The following ROBO1 variants were observed in gnomAD, a reference collection of about 807,000 sequenced individuals.
ROBO1 encodes roundabout guidance receptor 1, also known as roundabout homolog 1.
Under a neutral mutation model 195.9 loss-of-function variants are expected in ROBO1, and 149 were observed. The ratio of observed to expected loss-of-function variants is 0.76; its 90% confidence interval spans 0.67 to 0.87. ROBO1 has a LOEUF of 0.87. Ranked by LOEUF, ROBO1 falls within the 40% of genes least tolerant of loss-of-function variation. The probability of loss-of-function intolerance (pLI) is 0.00; values close to 1 mark genes in which losing one functional copy is unlikely to be tolerated. For missense variants in ROBO1, 1,933 were observed against 2,068.3 expected, an observed-to-expected ratio of 0.93 and a Z score of 1.27; for synonymous variants, 816 against 733.2, an observed-to-expected ratio of 1.11 and a Z score of -1.82.
intron 5 of ROBO1, among the ~76,000 whole-genome samples, chr3:78,736,164 T>C (rs1395942018): frequency 6.6e-6 from 1 of 152,190 alleles, no homozygotes; most frequent in East Asian, 1.9e-4. Flanking sequence ...CGTAATTGTA[T>C]GTGGAAATAA....
At chr3:79,197,880 TG>T (rs1402844353) in intron 2 of ROBO1, among the ~76,000 whole-genome samples, 94 of 140,220 alleles carry the variant, frequency 6.7e-4, no homozygotes, top group Middle Eastern at 3.6e-3. Flanking sequence ...ATTTTTTTGA[TG>T]GGTTTTTTTT....
At chr3:79,692,897 A>G (rs1947335679) in intron 1 of ROBO1, among the ~76,000 whole-genome samples, 1 of 151,708 alleles carries the variant, frequency 6.6e-6, no homozygotes, top group Non-Finnish European at 1.5e-5. Flanking sequence ...ATCCAAGCCC[A>G]AACACAGAAT....
At chr3:78,838,920 C>T (rs1459969015) in intron 4 of ROBO1, among the ~76,000 whole-genome samples, 3 of 152,188 alleles carry the variant, frequency 2.0e-5, no homozygotes, top group Non-Finnish European at 2.9e-5. Context: ...ACCTGGCACT[C>T]CTTGACTAAA....
At chr3:79,626,756 A>C (rs1022367010) in intron 1 of ROBO1, among the ~76,000 whole-genome samples, 10 of 152,170 alleles carry the variant, frequency 6.6e-5, no homozygotes, top group African/African-American at 1.2e-4. Flanking sequence ...AAATCCTATC[A>C]TCTCAGCCCC....
chr3:79,432,529 TA>T (rs1325110302), intron 2 of ROBO1, among the ~76,000 whole-genome samples: 1 of 152,090 alleles, frequency 6.6e-6, no homozygotes, highest in Non-Finnish European at 1.5e-5. Flanking sequence ...AAAAATATAT[TA>T]GGAAATAATA....
At chr3:78,883,757 CAA>C (rs2036327972) in intron 4 of ROBO1, among the ~76,000 whole-genome samples, 1 of 152,050 alleles carries the variant, frequency 6.6e-6, no homozygotes, top group African/African-American at 2.4e-5. Flanking sequence ...TGGGTTTGCT[CAA>C]GAGTCCAATA....
At chr3:79,417,877 CT>C (rs2038068403) in intron 2 of ROBO1, among the ~76,000 whole-genome samples, 1 of 152,088 alleles carries the variant, frequency 6.6e-6, no homozygotes, top group Admixed American at 6.6e-5. Context: ...ATTTCCTGAT[CT>C]TCTACTCCAG....
chr3:79,399,603 T>C (rs1172629801), intron 2 of ROBO1, among the ~76,000 whole-genome samples: 2 of 152,186 alleles, frequency 1.3e-5, no homozygotes, highest in East Asian at 3.9e-4. Flanking sequence ...GGCACAGACA[T>C]GTTTACTTAT....
chr3:79,708,492 G>A (rs1467841051), intron 1 of ROBO1, among the ~76,000 whole-genome samples: 1 of 152,120 alleles, frequency 6.6e-6, no homozygotes, highest in Non-Finnish European at 1.5e-5. Context: ...TTCAAGCCCA[G>A]CTGAAAATCC....
intron 4 of ROBO1, among the ~76,000 whole-genome samples, chr3:78,800,266 A>G (rs1418482839): frequency 6.6e-6 from 1 of 152,218 alleles, no homozygotes; most frequent in Non-Finnish European, 1.5e-5. Context: ...TAACAACAAG[A>G]TAACTAAGGT....
chr3:78,603,776 A>T (rs986964225), intron 29 of ROBO1, among the ~76,000 whole-genome samples: 1 of 152,178 alleles, frequency 6.6e-6, no homozygotes, highest in Non-Finnish European at 1.5e-5. Context: ...TAGGGTTATG[A>T]TCCAAATAAA....
At chr3:79,280,249 CAAAGA>C (rs1340559917) in intron 2 of ROBO1, among the ~76,000 whole-genome samples, 2 of 151,936 alleles carry the variant, frequency 1.3e-5, no homozygotes, top group African/African-American at 2.4e-5. Flanking sequence ...GTTCCCAAAT[CAAAGA>C]AATGATAAAT....
intron 1 of ROBO1, among the ~76,000 whole-genome samples, chr3:79,756,667 T>C (rs1282081152): frequency 6.6e-6 from 1 of 152,098 alleles, no homozygotes. Context: ...GTAAAATATA[T>C]GTATGCCTTT....
intron 2 of ROBO1, among the ~76,000 whole-genome samples, chr3:79,577,274 C>T (rs1035809788): frequency 6.6e-6 from 1 of 152,106 alleles, no homozygotes; most frequent in Non-Finnish European, 1.5e-5. Context: ...ACACTGAAGA[C>T]ATTACAAGGG....
chr3:79,301,376 A>T (rs527279345), intron 2 of ROBO1, among the ~76,000 whole-genome samples: 2 of 152,288 alleles, frequency 1.3e-5, no homozygotes, highest in East Asian at 3.9e-4. Context: ...GAGTATATAG[A>T]TTTTCAATTT....
intron 3 of ROBO1, among the ~76,000 whole-genome samples, chr3:79,082,626 T>C (rs571212380): frequency 4.5e-4 from 68 of 152,218 alleles, no homozygotes; most frequent in African/African-American, 1.6e-3. Flanking sequence ...TCAAGTGTGG[T>C]TCAAAATCCC....
chr3:79,171,684 A>G lies in ROBO1; in HGVS notation c.89-46145T>C, dbSNP rs188047629. Reference sequence around the variant, plus strand: ...TTCTGGCATATATCTTTAGTTGTACACTTTTGTCTTACTTGTTACATAAAA... The same window carrying G: ...TTCTGGCATATATCTTTAGTTGTACGCTTTTGTCTTACTTGTTACATAAAA... On this transcript the variant is annotated intron_variant, in intron 2 of 30. Transcript: ENST00000464233. Among the ~76,000 whole-genome samples, 744 of 152,210 alleles carry G rather than the reference A, an allele frequency of 4.9e-3. 5 individuals carry two copies. Among genetic ancestry groups the G allele is most frequent in the African/African-American group, 0.015 (644 of 41,562 alleles).
chr3:79,626,274 G>A (rs1475023894), intron 1 of ROBO1, among the ~76,000 whole-genome samples: 1 of 152,024 alleles, frequency 6.6e-6, no homozygotes, highest in Non-Finnish European at 1.5e-5. Context: ...GTGAAACCCT[G>A]TCTGTCCTAA....
intron 2 of ROBO1, among the ~76,000 whole-genome samples, chr3:79,589,470 A>G (rs1943928360): frequency 6.6e-6 from 1 of 151,660 alleles, no homozygotes; most frequent in South Asian, 2.1e-4. Flanking sequence ...TATGGTACCG[A>G]CATGCACTGT....
Sources: allele counts gnomAD v4.1 joint callset (sites outside exome capture counted in the v4.1 genomes callset), GRCh38; gene constraint gnomAD v4.1.1; transcripts MANE v1.5; gene names NCBI Gene and HGNC (gene_info 2026-07-23, HGNC 2026-07-21).